The following CD79B variants were observed in gnomAD, a reference collection of about 807,000 sequenced individuals.
CD79B encodes B-cell antigen receptor complex-associated protein beta chain.
CD79B carries 7 observed loss-of-function variants against 30.0 expected under a neutral mutation model. The ratio of observed to expected loss-of-function variants is 0.23; its 90% CI spans 0.13 to 0.44. The LOEUF is 0.44. CD79B is among the 20% of genes least tolerant of loss of function. CD79B has a pLI of 1.00. For missense variants in CD79B, 218 were observed against 299.1 expected (o/e 0.73, Z 2.00); for synonymous variants, 118 against 119.2 (o/e 0.99, Z 0.07).
intron 2 of CD79B, 141 bp downstream of exon 2, chr17:63,931,194 G>A (rs1427847125): frequency 3.7e-6 from 3 of 806,192 alleles, no homozygotes; most frequent in Non-Finnish European, 6.5e-6. Context: ...AGATCCTAAG[G>A]AGGCCTGGGG....
At chr17:63,931,741 C>CT (rs78942438) in intron 1 of CD79B, 5,797 of 280,356 alleles carry the variant, frequency 0.021, 4 homozygotes, top group East Asian at 0.05. Context: ...CCCTGTCTCT[C>CT]TTTTTTTTTT....
intron 3 of CD79B, 23 bp downstream of exon 3, chr17:63,930,051 C>A (rs370501060): frequency 6.2e-7 from 1 of 1,610,688 alleles, no homozygotes; most frequent in African/African-American, 1.3e-5. Flanking sequence ...GCTACAGGAG[C>A]GTCCCAGCCA....
In CD79B at chr17:63,929,228, A is replaced by C; in HGVS notation, c.688T>G (p.Ter230GlyextTer16). 6.2e-7 allele frequency: 1 copy of C among 1,607,054 alleles called. No individual in the cohort carries two copies. Residue 230 changes from the stop codon to glycine (G), a stop_lost, in exon 6 of 6, where the codon TGA becomes GGA. Transcript: ENST00000006750. ...WSVGEHPGQE[*>G] ...CAGGTCATGGGGCGACCTGGCTCTC[A>C]CTCCTGGCCTGGGTGCTCACCTACA... is the stretch of plus-strand genomic sequence containing the variant.
chr17:63,929,811 T>C lies in CD79B; in HGVS notation c.508A>G (p.Ile170Val), dbSNP rs1463632347. 6.2e-7 allele frequency: 1 copy of C among 1,613,032 alleles called. No individual in the cohort carries two copies. The highest frequency in any genetic ancestry group is 8.5e-7 in the Non-Finnish European group (1 of 1,179,812). Residue 170 changes from isoleucine (I) to valine (V), a missense_variant, in exon 4 of 6, where the codon ATC becomes GTC. Physicochemically the swap from Ile to Val is conservative, Grantham distance 29. Coordinates refer to ENST00000006750, the MANE Select transcript of CD79B (RefSeq NM_000626.4). ...AAGATAGGCACGATGATGAAGAGGA[T>C]GATCAGCAGCGTCTGGATCATGATG... ...GIIMIQTLLIILFIIVPIFLL... is the reference protein window; with the variant it reads ...GIIMIQTLLIVLFIIVPIFLL...
intron 1 of CD79B, 64 bp from the exon 2 acceptor site, chr17:63,931,449 C>G (rs1908122680): frequency 2.0e-6 from 3 of 1,474,404 alleles, no homozygotes; most frequent in Non-Finnish European, 1.9e-6. Flanking sequence ...CTGCCCCACC[C>G]CTGCATGCCC....
At chr17:63,930,744 T>A (rs890918895) in intron 2 of CD79B, among the ~76,000 whole-genome samples, 1 of 152,072 alleles carries the variant, frequency 6.6e-6, no homozygotes, top group African/African-American at 2.4e-5. Context: ...GGCCCCTCCT[T>A]TCACTGGGCT....
chr17:63,930,418 C>T lies in CD79B; in HGVS notation c.119-33G>A, dbSNP rs1405455181. ...TGCCAAGGCCAGGCTCAGCATTCCG[C>T]TTGGCATCTTCCTGAGTGCCAGCCC... is the stretch of plus-strand genomic sequence containing the variant. On this transcript the variant is annotated intron_variant, in intron 2 of 5. Coordinates refer to ENST00000006750, the MANE Select transcript of CD79B (RefSeq NM_000626.4). The T allele has an allele frequency of 8.7e-6, 14 of 1,600,676 alleles. No homozygotes were observed. The African/African-American group carries it at 9.4e-5, about 11-fold the overall frequency.
In CD79B at chr17:63,930,173, C is replaced by T; in HGVS notation, c.331G>A (p.Gly111Ser). The T allele has an allele frequency of 5.0e-6, 8 of 1,614,244 alleles. No individual in the cohort carries two copies. The highest frequency in any genetic ancestry group is 6.8e-6 in the Non-Finnish European group (8 of 1,180,036). The part of the protein sequence containing the change: ...NESLATLTIQ[G>S]IRFEDNGIYF... ...ATGCCATTGTCCTCAAACCGGATGC[C>T]TTGGATGGTGAGGGTGGCGAGAGAT... Residue 111 changes from glycine (G) to serine (S), a missense_variant, in exon 3 of 6, where the codon GGC becomes AGC. Physicochemically the swap from Gly to Ser is moderately conservative, Grantham distance 56 (BLOSUM62 0). Coordinates refer to ENST00000006750, the MANE Select transcript of CD79B (RefSeq NM_000626.4).
chr17:63,930,439 A>T, intron 2 of CD79B, 54 bp from the exon 3 acceptor site: 2 of 1,522,458 alleles, frequency 1.3e-6, no homozygotes, highest in South Asian at 2.3e-5. Context: ...CCTGAGTGCC[A>T]GCCCCAGCAG....
rs774994308 is a variant in CD79B at position 63,930,372 on chromosome 17, C to T, written c.132G>A (p.Ser44=). The change falls in exon 3 of 6, where the codon TCG becomes TCA. Residue 44 remains serine, a synonymous_variant. Coordinates refer to ENST00000006750, the MANE Select transcript of CD79B (RefSeq NM_000626.4). ...TGAAACGTGGGCTCTGCCAGATCCG[C>T]GAACAAGCACTACCTGTGGGTGCCA... The part of the protein sequence containing the change: ...RYRNPKGSAC[S]RIWQSPRFIA... 3.5e-5 allele frequency: 56 copies of T among 1,613,614 alleles called. No homozygotes were observed. In the East Asian group the frequency reaches 9.4e-4, roughly 27 times the overall value.
chr17:63,930,149 T>C lies in CD79B; in HGVS notation c.355A>G (p.Ile119Val). The part of the protein sequence containing the change: ...IQGIRFEDNG[I>V]YFCQQKCNNT... ...TTGCACTTCTGCTGACAGAAGTAGA[T>C]GCCATTGTCCTCAAACCGGATGCCT... Residue 119 changes from isoleucine to valine, a missense_variant, in exon 3 of 6, where the codon ATC becomes GTC. Transcript: ENST00000006750. 6.2e-7 allele frequency: 1 copy of C among 1,614,206 alleles called. No homozygotes were observed. The highest frequency in any genetic ancestry group is 8.5e-7 in the Non-Finnish European group (1 of 1,180,026).
rs745434907 is a variant in CD79B at position 63,930,132 on chromosome 17, C to T, written c.372G>A (p.Gln124=). The T allele has an allele frequency of 6.2e-7, 1 of 1,614,196 alleles. No individual in the cohort carries two copies. The highest frequency in any genetic ancestry group is 8.5e-7 in the Non-Finnish European group (1 of 1,180,024). Residue 124 remains glutamine, a synonymous_variant, in exon 3 of 6, where the codon CAG becomes CAA. Transcript: ENST00000006750. ...FEDNGIYFCQ[Q]KCNNTSEVYQ... ...AGACCTCCGAGGTGTTGTTGCACTT[C>T]TGCTGACAGAAGTAGATGCCATTGT...
In CD79B at chr17:63,928,899, G is replaced by A. The variant is rs7921; in HGVS notation, c.*327C>T. 0.23 allele frequency: 103,747 copies of A among 454,144 alleles called. 12,715 individuals carry two copies. The highest frequency in any genetic ancestry group is 0.28 in the African/African-American group (14,201 of 51,490). The allele number at this position is 454,144 out of a possible 1,614,324, so 28.1% of individuals were successfully genotyped here. ...TCCCAAGCTCTGCTGGGAGGCCCTC[G>A]GCTCCGAGTCCATTTGCGGGCTCTG... On this transcript the variant is annotated 3_prime_UTR_variant, in exon 6 of 6. Coordinates refer to ENST00000006750, the MANE Select transcript of CD79B (RefSeq NM_000626.4).
intron 1 of CD79B, among the ~76,000 whole-genome samples, chr17:63,931,629 A>G (rs752227763): frequency 6.6e-6 from 1 of 152,182 alleles, no homozygotes; most frequent in Admixed American, 6.5e-5. Flanking sequence ...AGGCATCTGA[A>G]TGAGACAGGA....
chr17:63,928,886 C>T lies in CD79B; in HGVS notation c.*340G>A, dbSNP rs1907939047. 3 of 448,552 alleles carry T rather than the reference C, an allele frequency of 6.7e-6. No homozygotes were observed. Among genetic ancestry groups the T allele is most frequent in the Non-Finnish European group, 1.2e-5 (3 of 240,866 alleles). The allele number at this position is 448,552 out of a possible 1,614,324, so 27.8% of individuals were successfully genotyped here. A position where few individuals can be genotyped will look rare whatever the true frequency, so the allele number is the denominator to read the frequency against. On this transcript the variant is annotated 3_prime_UTR_variant, in exon 6 of 6. Coordinates refer to ENST00000006750, the MANE Select transcript of CD79B (RefSeq NM_000626.4). ...GGTCCATGGCCCTTCCCAAGCTCTG[C>T]TGGGAGGCCCTCGGCTCCGAGTCCA...
intron 2 of CD79B, 200 bp from the exon 3 acceptor site, chr17:63,930,585 C>A: frequency 1.6e-6 from 1 of 616,454 alleles, no homozygotes; most frequent in Admixed American, 2.7e-5. Flanking sequence ...AAGCCACGGC[C>A]AAGCTCTCAG....
chr17:63,930,606 T>C, intron 2 of CD79B: 2 of 598,812 alleles, frequency 3.3e-6, no homozygotes, highest in South Asian at 3.9e-5. Context: ...ACTCCACCTC[T>C]TCCCGACTGC....
Position 63,929,893 on chromosome 17 carries a change from G to A in CD79B, c.431-5C>T, listed in dbSNP as rs554783299. ...GCTGTGCCAAGGTGCTGAATCCTGCGGGGACAGGGGTGGGGTTGTGAGCCT... is the reference window on the plus strand; with the variant it reads ...GCTGTGCCAAGGTGCTGAATCCTGCAGGGACAGGGGTGGGGTTGTGAGCCT... On this transcript the variant is annotated splice_region_variant and splice_polypyrimidine_tract_variant and intron_variant, in intron 3 of 5. Coordinates refer to ENST00000006750, the MANE Select transcript of CD79B (RefSeq NM_000626.4). The A allele has an allele frequency of 7.0e-5, 113 of 1,605,788 alleles. 3 individuals carry two copies. The South Asian group carries it at 9.2e-4, about 13-fold the overall frequency.
Position 63,928,753 on chromosome 17 carries a change from C to T in CD79B, c.*473G>A, listed in dbSNP as rs975886383. On this transcript the variant is annotated 3_prime_UTR_variant, in exon 6 of 6. Transcript: ENST00000006750. ...CGAGCCTGTGTGTGGTTTCTCAGGA[C>T]ACACCGTTTATTCCACGGGGGAAGG... is the stretch of plus-strand genomic sequence containing the variant. 13 of 334,488 alleles carry T rather than the reference C, an allele frequency of 3.9e-5. No individual in the cohort carries two copies. The highest frequency in any genetic ancestry group is 6.8e-5 in the Non-Finnish European group (12 of 177,598). The allele number at this position is 334,488 out of a possible 1,614,324, so 20.7% of individuals were successfully genotyped here. A position where few individuals can be genotyped will look rare whatever the true frequency, so the allele number is the denominator to read the frequency against.
Sources: gnomAD v4.1 joint callset for allele counts (sites outside exome capture counted in the v4.1 genomes callset) on GRCh38, gnomAD v4.1.1 for gene constraint, MANE v1.5 for transcripts, NCBI Gene and HGNC (gene_info 2026-07-23, HGNC 2026-07-21) for gene names.